Variants in CADPS observed in about 807,000 individuals in gnomAD.
CADPS encodes the protein calcium-dependent secretion activator 1.
In CADPS, 57 loss-of-function variants were observed where a neutral mutation model predicts 167.3. The observed-to-expected ratio is 0.34, with a 90% CI of 0.28 to 0.42. CADPS has a LOEUF of 0.42. Ranked by LOEUF, CADPS falls within the 20% of genes least tolerant of loss-of-function variation. The probability of loss-of-function intolerance (pLI) is 1.00; values close to 1 mark genes in which losing one functional copy is unlikely to be tolerated. For synonymous variants in CADPS, 676 were observed against 635.3 expected (o/e 1.06, Z -0.96); for missense variants, 1,414 against 1,738.1 (o/e 0.81, Z 3.32).
intron 17 of CADPS, among the ~76,000 whole-genome samples, chr3:62,508,934 G>T (rs552887286): frequency 1.2e-3 from 179 of 151,938 alleles, no homozygotes; most frequent in African/African-American, 4.1e-3. Flanking sequence ...CCCACTTATG[G>T]TAAAGTATAG....
intron 2 of CADPS, among the ~76,000 whole-genome samples, chr3:62,755,022 T>C (rs2083541582): frequency 6.6e-6 from 1 of 152,226 alleles, no homozygotes; most frequent in African/African-American, 2.4e-5. Flanking sequence ...TAGAATGTCT[T>C]CAGCACCTGA....
intron 3 of CADPS, among the ~76,000 whole-genome samples, chr3:62,668,284 T>C (rs2074855726): frequency 6.6e-6 from 1 of 152,244 alleles, no homozygotes. Flanking sequence ...AAAGTGATAG[T>C]GATCCAGACT....
intron 3 of CADPS, among the ~76,000 whole-genome samples, chr3:62,673,987 T>A (rs2075962632): frequency 6.6e-6 from 1 of 152,192 alleles, no homozygotes; most frequent in Admixed American, 6.5e-5. Context: ...ATGCTTTTGC[T>A]AAAAAATACC....
intron 3 of CADPS, among the ~76,000 whole-genome samples, chr3:62,671,587 C>A (rs2075517251): frequency 1.3e-5 from 2 of 152,146 alleles, no homozygotes; most frequent in Admixed American, 1.3e-4. Flanking sequence ...TCATCTCCAT[C>A]CTCAACCACC....
chr3:62,813,687 G>C (rs925982287), intron 1 of CADPS, among the ~76,000 whole-genome samples: 1 of 151,956 alleles, frequency 6.6e-6, no homozygotes, highest in African/African-American at 2.4e-5. Flanking sequence ...AATAAGATAA[G>C]GTATTTGTGA....
At chr3:62,573,704 T>G (rs2081741698) in intron 8 of CADPS, among the ~76,000 whole-genome samples, 1 of 152,194 alleles carries the variant, frequency 6.6e-6, no homozygotes, top group African/African-American at 2.4e-5. Context: ...CTCCCTCAGT[T>G]TAAACCTTTA....
intron 12 of CADPS, among the ~76,000 whole-genome samples, chr3:62,535,266 T>C (rs1196200882): frequency 6.6e-6 from 1 of 150,978 alleles, no homozygotes; most frequent in Non-Finnish European, 1.5e-5. Context: ...AAGTGATGTG[T>C]TCCTTTCCAA....
chr3:62,754,064 G>C (rs911773658), intron 2 of CADPS, among the ~76,000 whole-genome samples: 2 of 152,208 alleles, frequency 1.3e-5, no homozygotes, highest in African/African-American at 4.8e-5. Flanking sequence ...ATACAGACCT[G>C]TGCCCGGGCT....
At chr3:62,486,979 T>C (rs1696877432) in intron 21 of CADPS, among the ~76,000 whole-genome samples, 1 of 152,238 alleles carries the variant, frequency 6.6e-6, no homozygotes, top group South Asian at 2.1e-4. Flanking sequence ...GGTAACTCCA[T>C]GGCAATGGTA....
At chr3:62,622,585 T>C (rs529995326) in intron 6 of CADPS, among the ~76,000 whole-genome samples, 3 of 152,290 alleles carry the variant, frequency 2.0e-5, no homozygotes, top group Non-Finnish European at 2.9e-5. Flanking sequence ...AAAGACACAT[T>C]AACTACTAGT....
intron 1 of CADPS, among the ~76,000 whole-genome samples, chr3:62,810,176 G>T (rs1338272334): frequency 6.6e-6 from 1 of 152,104 alleles, no homozygotes; most frequent in African/African-American, 2.4e-5. Flanking sequence ...AAGCAATGGA[G>T]AGTAGTCCTC....
intron 3 of CADPS, among the ~76,000 whole-genome samples, chr3:62,734,341 A>G (rs1049884850): frequency 6.6e-6 from 1 of 152,028 alleles, no homozygotes; most frequent in Non-Finnish European, 1.5e-5. Flanking sequence ...TGATTGAAAA[A>G]CTGAATTTGA....
chr3:62,815,419 G>C (rs2094568185), intron 1 of CADPS, among the ~76,000 whole-genome samples: 1 of 151,964 alleles, frequency 6.6e-6, no homozygotes, highest in African/African-American at 2.4e-5. Context: ...CAGGATAATG[G>C]TGACCAGGGG....
intron 3 of CADPS, among the ~76,000 whole-genome samples, chr3:62,723,344 T>C (rs1207493596): frequency 1.3e-5 from 2 of 152,164 alleles, no homozygotes; most frequent in Admixed American, 1.3e-4. Context: ...TCTTAAACTC[T>C]AAAGCTTTTC....
At chr3:62,493,553 A>C (rs1057051576) in intron 19 of CADPS, 92 bp downstream of exon 19, 11 of 940,008 alleles carry the variant, frequency 1.2e-5, no homozygotes, top group Admixed American at 2.2e-5. Flanking sequence ...CTCTTCTGTG[A>C]TCTATTAGTT....
intron 1 of CADPS, among the ~76,000 whole-genome samples, chr3:62,800,252 T>C (rs2093681713): frequency 6.6e-6 from 1 of 152,168 alleles, no homozygotes; most frequent in Non-Finnish European, 1.5e-5. Context: ...AGTAAAATTG[T>C]ACACCCTTCT....
chr3:62,871,396 G>T (rs1269139228), intron 1 of CADPS, among the ~76,000 whole-genome samples: 2 of 152,068 alleles, frequency 1.3e-5, no homozygotes, highest in Non-Finnish European at 2.9e-5. Context: ...TATATTTGAT[G>T]GGTGTACAGG....
intron 13 of CADPS, among the ~76,000 whole-genome samples, chr3:62,531,394 C>T (rs879513697): frequency 6.6e-6 from 1 of 152,056 alleles, no homozygotes; most frequent in Non-Finnish European, 1.5e-5. Flanking sequence ...GGCTAGCAAA[C>T]CTCATAACAA....
intron 1 of CADPS, among the ~76,000 whole-genome samples, chr3:62,787,247 A>C (rs780441169): frequency 6.6e-6 from 1 of 152,150 alleles, no homozygotes; most frequent in Admixed American, 6.5e-5. Context: ...GTGAGCCAAG[A>C]TCGCACCACT....
Sources: gnomAD v4.1 joint callset for allele counts (sites outside exome capture counted in the v4.1 genomes callset) on GRCh38, gnomAD v4.1.1 for gene constraint, MANE v1.5 for transcripts, NCBI Gene and HGNC (gene_info 2026-07-23, HGNC 2026-07-21) for gene names.